ACTN4: variants seen among roughly 807,000 people sequenced by gnomAD.
The protein encoded by ACTN4 is actinin alpha 4.
ACTN4 carries 18 observed loss-of-function variants against 114.2 expected under a neutral mutation model. The ratio of observed to expected loss-of-function variants is 0.16; its 90% CI spans 0.11 to 0.23. ACTN4 has a LOEUF of 0.23. ACTN4 is among the 10% of genes least tolerant of loss of function. The pLI, the probability that ACTN4 is intolerant of heterozygous loss-of-function variation, is 1.00. For missense variants in ACTN4, 722 were observed against 1,262.9 expected, an observed-to-expected ratio of 0.57 and a Z score of 6.49; for synonymous variants, 515 against 506.3, an observed-to-expected ratio of 1.02 and a Z score of -0.23.
intron 1 of ACTN4, among the ~76,000 whole-genome samples, chr19:38,681,163 A>G (rs1321922718): frequency 6.7e-6 from 1 of 149,246 alleles, no homozygotes; most frequent in African/African-American, 2.5e-5. Flanking sequence ...AGCAGATTCT[A>G]AACTCACAGT....
At chr19:38,673,698 T>C (rs1238262470) in intron 1 of ACTN4, among the ~76,000 whole-genome samples, 2 of 63,138 alleles carry the variant, frequency 3.2e-5, no homozygotes, top group Non-Finnish European at 3.3e-5. Flanking sequence ...ATATTATATA[T>C]ATTTATATAT....
At chr19:38,657,555 T>C (rs1436547661) in intron 1 of ACTN4, among the ~76,000 whole-genome samples, 1 of 152,222 alleles carries the variant, frequency 6.6e-6, no homozygotes, top group Non-Finnish European at 1.5e-5. Context: ...TAGTAATGAC[T>C]GATTCCAGTT....
rs573213986 is a variant in ACTN4, at chr19:38,705,795, G to A, written c.485-249G>A. Among the ~76,000 whole-genome samples, 14 of 152,292 alleles carry A rather than the reference G, an allele frequency of 9.2e-5. No homozygotes were observed. The East Asian group carries it at 2.5e-3, about 27-fold the overall frequency. ...CCTCCTGGGGCAGCCCTGGTCAAGC[G>A]ACTCTCCTCGGGGCCGTGAGGATTA... is the stretch of plus-strand genomic sequence containing the variant. On this transcript the variant is annotated intron_variant, in intron 4 of 20. Transcript: ENST00000252699.
In ACTN4 at chr19:38,730,083, T is replaced by TAAGA. The variant is rs1969442203; in HGVS notation, c.*653_*656dup. 1 of 63,956 alleles carries TAAGA rather than the reference T, an allele frequency of 1.6e-5. No individual in the cohort carries two copies. The highest frequency in any genetic ancestry group is 7.1e-5 in the African/African-American group (1 of 14,168). The allele number at this position is 63,956 out of a possible 1,614,324, so 4.0% of individuals were successfully genotyped here. A position where few individuals can be genotyped will look rare whatever the true frequency, so the allele number is the denominator to read the frequency against. On this transcript the variant is annotated 3_prime_UTR_variant, in exon 21 of 21. Transcript: ENST00000252699. Reference sequence around the variant, plus strand: ...CTGGCCTCACGTGTCTCAGATTTTCTAAGAACCAAAAAAAAAAAAGGAAAA... The same window carrying TAAGA: ...CTGGCCTCACGTGTCTCAGATTTTCTAAGAAAGAACCAAAAAAAAAAAAGGAAAA...
At chr19:38,681,958 G>A (rs185986257) in intron 1 of ACTN4, among the ~76,000 whole-genome samples, 126 of 152,218 alleles carry the variant, frequency 8.3e-4, no homozygotes, top group Non-Finnish European at 1.2e-3. Flanking sequence ...AGCCTCCTGA[G>A]TAGCTGGGAC....
chr19:38,665,302 G>A (rs949349819), intron 1 of ACTN4, among the ~76,000 whole-genome samples: 5 of 152,338 alleles, frequency 3.3e-5, no homozygotes, highest in African/African-American at 4.8e-5. Context: ...GGCAGGTGGC[G>A]GGGGTTAAGC....
At chr19:38,700,933 T>TCCCTCTCG in intron 2 of ACTN4, 69 bp from the exon 3 acceptor site, 1 of 1,594,028 alleles carries the variant, frequency 6.3e-7, no homozygotes, top group South Asian at 1.1e-5. Context: ...AAAGCCTCTC[T>TCCCTCTCG]CCCTCTCGCC....
chr19:38,729,689 T>G lies in ACTN4; in HGVS notation c.*257T>G, dbSNP rs1234280214. The stretch of plus-strand genomic sequence containing the variant: ...GTAAATATGTATGATGTGTTGTGCT[T>G]TTTTAACCAAGGAGGGGCCAGTGGA... On this transcript the variant is annotated 3_prime_UTR_variant, in exon 21 of 21. Transcript: ENST00000252699. 2 of 674,320 alleles carry G rather than the reference T, an allele frequency of 3.0e-6. No homozygotes were observed. Among genetic ancestry groups the G allele is most frequent in the Admixed American group, 4.1e-5 (2 of 48,766 alleles). The allele number at this position is 674,320 out of a possible 1,614,324, so 41.8% of individuals were successfully genotyped here. A position where few individuals can be genotyped will look rare whatever the true frequency, so the allele number is the denominator to read the frequency against.
chr19:38,714,029 G>T (rs375295412), intron 8 of ACTN4, among the ~76,000 whole-genome samples: 5 of 152,150 alleles, frequency 3.3e-5, no homozygotes, highest in Non-Finnish European at 2.9e-5. Context: ...TCCTGTGCAC[G>T]GACCACTAGG....
At chr19:38,697,159 G>A (rs944803895) in intron 1 of ACTN4, among the ~76,000 whole-genome samples, 5 of 152,330 alleles carry the variant, frequency 3.3e-5, no homozygotes, top group African/African-American at 9.6e-5. Flanking sequence ...TGGGATGTAC[G>A]TATGGAGGGC....
Position 38,672,058 on chromosome 19 carries a change from T to C in ACTN4, c.162+24151T>C, listed in dbSNP as rs981094338. Among the ~76,000 whole-genome samples the C allele has an allele frequency of 5.3e-5, 8 of 152,088 alleles. No homozygotes were observed. In the South Asian group the frequency reaches 1.2e-3, roughly 24 times the overall value. ...GAGCTGGGCAGCGTAGACTTCATTG[T>C]CCTGCTGGCCTGTCATGTTATTCTG... is the stretch of plus-strand genomic sequence containing the variant. On this transcript the variant is annotated intron_variant, in intron 1 of 20. Coordinates refer to ENST00000252699, the MANE Select transcript of ACTN4 (RefSeq NM_004924.6).
At chr19:38,680,670 C>T (rs1388028839) in intron 1 of ACTN4, among the ~76,000 whole-genome samples, 2 of 152,134 alleles carry the variant, frequency 1.3e-5, no homozygotes, top group Non-Finnish European at 2.9e-5. Flanking sequence ...ATTTGTCAGC[C>T]ATCCGAGTCA....
At position 38,729,260 on chromosome 19, in the gene ACTN4, C is replaced by T; in HGVS notation, c.2578-14C>T. ...GGGTGGGGATGGCTCAGAGTCCCATCCTGCCTGCCCCAGAACTTCATCACA... is the reference window on the plus strand; with the variant it reads ...GGGTGGGGATGGCTCAGAGTCCCATTCTGCCTGCCCCAGAACTTCATCACA... On this transcript the variant is annotated splice_polypyrimidine_tract_variant and intron_variant, in intron 20 of 20. Transcript: ENST00000252699. The T allele has an allele frequency of 6.2e-7, 1 of 1,612,640 alleles. No individual in the cohort carries two copies. The highest frequency in any genetic ancestry group is 8.5e-7 in the Non-Finnish European group (1 of 1,179,944).
At chr19:38,648,021 G>A (rs917026730) in intron 1 of ACTN4, 114 bp downstream of exon 1, 1 of 1,252,036 alleles carries the variant, frequency 8.0e-7, no homozygotes. Flanking sequence ...GGGGGGTCCC[G>A]AGAAGGAATT....
chr19:38,731,358 T>C lies in ACTN4; in HGVS notation c.*1926T>C. 1.4e-6 allele frequency: 1 copy of C among 694,330 alleles called. No homozygotes were observed. Among genetic ancestry groups the C allele is most frequent in the African/African-American group, 1.7e-5 (1 of 57,648 alleles). The allele number at this position is 694,330 out of a possible 1,614,324, so 43.0% of individuals were successfully genotyped here. On this transcript the variant is annotated 3_prime_UTR_variant, in exon 21 of 21. Transcript: ENST00000252699. Reference sequence around the variant, plus strand: ...CCAACTCTGCCCCATCCCGGCAGGGTGAGTACAGGCTGATCCCTTCAATCC... The same window carrying C: ...CCAACTCTGCCCCATCCCGGCAGGGCGAGTACAGGCTGATCCCTTCAATCC...
At chr19:38,705,827 G>T (rs1414595165) in intron 4 of ACTN4, among the ~76,000 whole-genome samples, 3 of 152,112 alleles carry the variant, frequency 2.0e-5, no homozygotes, top group Non-Finnish European at 4.4e-5. Context: ...ATTAAGCAGG[G>T]CCGTGTGTCC....
chr19:38,681,801 A>T (rs1260599224), intron 1 of ACTN4, among the ~76,000 whole-genome samples: 1 of 151,958 alleles, frequency 6.6e-6, no homozygotes, highest in Non-Finnish European at 1.5e-5. Context: ...ATGGGATGCT[A>T]CCTGAAGGCA....
At chr19:38,673,069 A>G (rs1479136868) in intron 1 of ACTN4, among the ~76,000 whole-genome samples, 5 of 151,206 alleles carry the variant, frequency 3.3e-5, no homozygotes, top group African/African-American at 9.7e-5. Context: ...CAGCTTCCCA[A>G]TTAGCTGAGA....
chr19:38,722,403 C>G (rs1969075784), intron 12 of ACTN4, among the ~76,000 whole-genome samples: 1 of 152,202 alleles, frequency 6.6e-6, no homozygotes, highest in Admixed American at 6.5e-5. Flanking sequence ...CCACCGACAC[C>G]CCCACCCCAC....
Sources: gnomAD v4.1 joint callset for allele counts (sites outside exome capture counted in the v4.1 genomes callset) on GRCh38, gnomAD v4.1.1 for gene constraint, MANE v1.5 for transcripts, NCBI Gene and HGNC (gene_info 2026-07-23, HGNC 2026-07-21) for gene names.